The following COG5 variants were observed in gnomAD, a reference collection of about 807,000 sequenced individuals.
COG5 encodes conserved oligomeric Golgi complex subunit 5.
Under a neutral mutation model 110.4 loss-of-function variants are expected in COG5, and 86 were observed. The ratio of observed to expected loss-of-function variants is 0.78; its 90% CI spans 0.65 to 0.93. The LOEUF (loss-of-function observed/expected upper bound fraction) is 0.93. Ranked by LOEUF, COG5 falls within the 40% of genes least tolerant of loss-of-function variation. COG5 has a pLI of 0.00. For missense variants in COG5, 1,077 were observed against 987.0 expected, an observed-to-expected ratio of 1.09 and a Z score of -1.22; for synonymous variants, 360 against 334.6, an observed-to-expected ratio of 1.08 and a Z score of -0.83.
chr7:107,240,952 G>C (rs1474118089), intron 17 of COG5, among the ~76,000 whole-genome samples: 1 of 152,182 alleles, frequency 6.6e-6, no homozygotes, highest in East Asian at 1.9e-4. Context: ...CTGAAATGGA[G>C]TCACCAAAGC....
intron 6 of COG5, among the ~76,000 whole-genome samples, chr7:107,520,190 T>C (rs1800226229): frequency 1.3e-5 from 2 of 152,146 alleles, no homozygotes; most frequent in South Asian, 4.1e-4. Flanking sequence ...GCCAATATCA[T>C]ACTAAATGGG....
At chr7:107,398,694 C>A (rs13437658) in intron 7 of COG5, among the ~76,000 whole-genome samples, 1 of 152,040 alleles carries the variant, frequency 6.6e-6, no homozygotes, top group Non-Finnish European at 1.5e-5. Context: ...AGTGAAGAAG[C>A]TAGATACACA....
intron 6 of COG5, among the ~76,000 whole-genome samples, chr7:107,511,626 C>CAT (rs1799521055): frequency 6.6e-6 from 1 of 152,162 alleles, no homozygotes; most frequent in South Asian, 2.1e-4. Flanking sequence ...CCTTGATGAA[C>CAT]GCTGATGCAA....
chr7:107,525,328 C>T (rs1434882317), intron 6 of COG5, among the ~76,000 whole-genome samples: 1 of 151,682 alleles, frequency 6.6e-6, no homozygotes, highest in Non-Finnish European at 1.5e-5. Context: ...AAATTTAGCA[C>T]TTTTTTAATA....
At chr7:107,428,381 C>CT (rs941465361) in intron 6 of COG5, among the ~76,000 whole-genome samples, 1 of 152,028 alleles carries the variant, frequency 6.6e-6, no homozygotes, top group African/African-American at 2.4e-5. Context: ...TTGGACCCAG[C>CT]TACAGAGAGG....
intron 10 of COG5, among the ~76,000 whole-genome samples, chr7:107,361,042 C>A (rs915923901): frequency 1.3e-5 from 2 of 152,182 alleles, no homozygotes; most frequent in Middle Eastern, 3.2e-3. Flanking sequence ...TGGAGGCTTT[C>A]CACACAGTAT....
chr7:107,406,680 A>C (rs1339238089), intron 7 of COG5, among the ~76,000 whole-genome samples: 1 of 152,174 alleles, frequency 6.6e-6, no homozygotes, highest in African/African-American at 2.4e-5. Flanking sequence ...CCTTTTTGAC[A>C]TGTTAAATTT....
At chr7:107,552,014 G>A (rs532785403) in intron 3 of COG5, among the ~76,000 whole-genome samples, 7 of 152,300 alleles carry the variant, frequency 4.6e-5, no homozygotes, top group African/African-American at 1.7e-4. Context: ...ACTCACACAA[G>A]AGATAATCAT....
At chr7:107,335,563 G>A (rs1452402167) in intron 10 of COG5, among the ~76,000 whole-genome samples, 1 of 152,012 alleles carries the variant, frequency 6.6e-6, no homozygotes, top group Non-Finnish European at 1.5e-5. Flanking sequence ...AAAGGAAGAG[G>A]AATTACAAAA....
At chr7:107,563,724 G>T in intron 1 of COG5, 79 bp downstream of exon 1, 1 of 1,535,042 alleles carries the variant, frequency 6.5e-7, no homozygotes, top group South Asian at 1.1e-5. Context: ...AAAGCAACGG[G>T]TTGGGTCCAC....
chr7:107,248,566 G>C, intron 16 of COG5, 67 bp from the exon 17 acceptor site: 1 of 1,068,350 alleles, frequency 9.4e-7, no homozygotes, highest in Non-Finnish European at 1.4e-6. Flanking sequence ...AAAGAAATTT[G>C]AGATGTGAGA....
At chr7:107,298,874 A>T (rs1370422142) in intron 11 of COG5, among the ~76,000 whole-genome samples, 1 of 152,202 alleles carries the variant, frequency 6.6e-6, no homozygotes, top group Non-Finnish European at 1.5e-5. Context: ...AGAAATCAGT[A>T]ACAAAAAGAT....
At chr7:107,283,950 A>G (rs896365795) in intron 12 of COG5, among the ~76,000 whole-genome samples, 2 of 107,984 alleles carry the variant, frequency 1.9e-5, no homozygotes, top group African/African-American at 2.7e-5. Context: ...TTTGAGACGT[A>G]GTCTCACTCT....
chr7:107,544,051 G>A (rs945703006), intron 5 of COG5, among the ~76,000 whole-genome samples: 3 of 152,114 alleles, frequency 2.0e-5, no homozygotes, highest in African/African-American at 7.2e-5. Context: ...AGACCCTCAT[G>A]GCTCCAGGCA....
Position 107,359,570 on chromosome 7 carries a change from T to G in COG5, c.1026+2463A>C, listed in dbSNP as rs978264454. Among the ~76,000 whole-genome samples the G allele has an allele frequency of 1.6e-4, 25 of 152,220 alleles. 1 individual carries two copies. The highest frequency in any genetic ancestry group is 5.5e-4 in the African/African-American group (23 of 41,486). ...TGAAGCCTGGGGGCTGGACTGCCAG[T>G]TCTGCGGACTGGAGTGACAAGTTAT... On this transcript the variant is annotated intron_variant, in intron 10 of 21. Transcript: ENST00000297135.
intron 11 of COG5, among the ~76,000 whole-genome samples, chr7:107,312,276 G>A (rs1156681570): frequency 6.6e-6 from 1 of 152,014 alleles, no homozygotes; most frequent in Non-Finnish European, 1.5e-5. Context: ...AACACTTTAG[G>A]GATCCATCTC....
chr7:107,302,262 A>C (rs1487795246), intron 11 of COG5, among the ~76,000 whole-genome samples: 1 of 152,224 alleles, frequency 6.6e-6, no homozygotes, highest in African/African-American at 2.4e-5. Flanking sequence ...GAAGCCAAAC[A>C]AATAAGAATA....
At chr7:107,267,161 T>C (rs1272802315) in intron 14 of COG5, among the ~76,000 whole-genome samples, 1 of 152,170 alleles carries the variant, frequency 6.6e-6, no homozygotes, top group East Asian at 1.9e-4. Context: ...AACTCAAAAC[T>C]CTGTTGCTCA....
chr7:107,343,140 C>G (rs544106697), intron 10 of COG5, among the ~76,000 whole-genome samples: 1 of 152,068 alleles, frequency 6.6e-6, no homozygotes, highest in African/African-American at 2.4e-5. Flanking sequence ...TACCACATGT[C>G]CTCAGTTATA....
Sources: allele counts gnomAD v4.1 joint callset (sites outside exome capture counted in the v4.1 genomes callset), GRCh38; gene constraint gnomAD v4.1.1; transcripts MANE v1.5; gene names NCBI Gene and HGNC (gene_info 2026-07-23, HGNC 2026-07-21).